The following GGA3 variants were observed in gnomAD, a reference collection of about 807,000 sequenced individuals.
GGA3 encodes the protein golgi associated, gamma adaptin ear containing, ARF binding protein 3.
Under a neutral mutation model 77.5 loss-of-function variants are expected in GGA3, and 57 were observed. That is an observed-to-expected ratio of 0.74 (90% confidence interval 0.59 to 0.92). GGA3 has a LOEUF of 0.92. Among genes scored for constraint, GGA3 ranks in the 40% least tolerant of loss-of-function variants. The pLI is 0.00. For missense variants in GGA3, 970 were observed against 914.9 expected, an observed-to-expected ratio of 1.06 and a Z score of -0.78; for synonymous variants, 416 against 383.7, an observed-to-expected ratio of 1.08 and a Z score of -0.98.
At position 75,238,016 on chromosome 17, in the gene GGA3, G is replaced by A; in HGVS notation, c.*263C>T. On this transcript the variant is annotated 3_prime_UTR_variant, in exon 17 of 17. Coordinates refer to ENST00000537686, the MANE Select transcript of GGA3 (RefSeq NM_138619.4). ...GGGGGTCCATGTTCCCGGGACAGCAGTGAAGTCAGGGGCCACTCCGCACCC... is the reference window on the plus strand; with the variant it reads ...GGGGGTCCATGTTCCCGGGACAGCAATGAAGTCAGGGGCCACTCCGCACCC... The A allele has an allele frequency of 7.9e-7, 1 of 1,265,766 alleles. No individual in the cohort carries two copies. The highest frequency in any genetic ancestry group is 1.0e-6 in the Non-Finnish European group (1 of 1,004,888). The allele number at this position is 1,265,766 out of a possible 1,614,324, so 78.4% of individuals were successfully genotyped here. A position where few individuals can be genotyped will look rare whatever the true frequency, so the allele number is the denominator to read the frequency against.
rs1402661140 is a variant in GGA3, at chr17:75,239,942, G to C, written c.1430C>G (p.Pro477Arg). The change falls in exon 13 of 17, where the codon CCC (proline) becomes CGC (arginine). Residue 477 changes from proline to arginine, a missense_variant. Pro to Arg is a moderately radical substitution (Grantham distance 103, BLOSUM62 -2). Coordinates refer to ENST00000537686, the MANE Select transcript of GGA3 (RefSeq NM_138619.4). ...AGAAAACAAGGAGGAGCCCGCACTG[G>C]GGGCAGGAACACTGGCTGGGACCAC... is the stretch of plus-strand genomic sequence containing the variant. ...APVVPASVPA[P>R]SAGSSLFSTG... 1 of 1,589,610 alleles carries C rather than the reference G, an allele frequency of 6.3e-7. No individual in the cohort carries two copies. Among genetic ancestry groups the C allele is most frequent in the Non-Finnish European group, 8.6e-7 (1 of 1,168,550 alleles).
rs1380815438 is a variant in GGA3, at chr17:75,242,387, C to G, written c.696G>C (p.Leu232=). 6 of 1,614,078 alleles carry G rather than the reference C, an allele frequency of 3.7e-6. No individual in the cohort carries two copies. Among genetic ancestry groups the G allele is most frequent in the Middle Eastern group, 1.6e-4 (1 of 6,084 alleles). ...AAGAGTCCTCCTGGCTGTAATGAAG[C>G]AGCATCTCACTGAGCAGTCTCACGT... ...NNNVRLLSEM[L]LHYSQEDSSD... is the part of the protein sequence containing the mutation. The change falls in exon 8 of 17, where the codon CTG becomes CTC. Residue 232 remains leucine (L), a synonymous_variant. Transcript: ENST00000537686.
intron 1 of GGA3, among the ~76,000 whole-genome samples, chr17:75,253,322 C>T (rs1045291872): frequency 1.3e-5 from 2 of 152,226 alleles, no homozygotes; most frequent in African/African-American, 4.8e-5. Context: ...CTGGTAGAGA[C>T]AAACGAGACA....
intron 11 of GGA3, 197 bp from the exon 12 acceptor site, chr17:75,240,609 G>C (rs2076514959): frequency 1.5e-6 from 1 of 679,230 alleles, no homozygotes; most frequent in East Asian, 2.7e-5. Context: ...TGTGGGGCGG[G>C]GTGCAGGGCA....
At chr17:75,248,415 G>A (rs1447372081) in intron 1 of GGA3, among the ~76,000 whole-genome samples, 1 of 130,334 alleles carries the variant, frequency 7.7e-6, no homozygotes, top group African/African-American at 2.8e-5. Context: ...AGTCTGCAGT[G>A]AGCTGAGATC....
intron 13 of GGA3, 30 bp from the exon 14 acceptor site, chr17:75,239,601 CAGAG>C (rs2076457192): frequency 6.5e-7 from 1 of 1,530,682 alleles, no homozygotes; most frequent in East Asian, 2.4e-5. Context: ...GAAAGCACGT[CAGAG>C]AGCCAGCCAG....
chr17:75,249,072 G>A (rs969509748), intron 1 of GGA3: 2 of 869,542 alleles, frequency 2.3e-6, no homozygotes, highest in African/African-American at 3.6e-5. Flanking sequence ...TTGAGATTGA[G>A]TCTCGCTGTG....
chr17:75,237,993 G>C lies in GGA3; in HGVS notation c.*286C>G. 1 of 1,228,976 alleles carries C rather than the reference G, an allele frequency of 8.1e-7. No homozygotes were observed. The highest frequency in any genetic ancestry group is 2.8e-5 in the South Asian group (1 of 36,264). The allele number at this position is 1,228,976 out of a possible 1,614,324, so 76.1% of individuals were successfully genotyped here. A position where few individuals can be genotyped will look rare whatever the true frequency, so the allele number is the denominator to read the frequency against. ...AAGCAAACACCTACGCCAAGCCTGG[G>C]GGTCCATGTTCCCGGGACAGCAGTG... On this transcript the variant is annotated 3_prime_UTR_variant, in exon 17 of 17. Coordinates refer to ENST00000537686, the MANE Select transcript of GGA3 (RefSeq NM_138619.4).
In GGA3 at chr17:75,240,777, CAG is replaced by C. The variant is rs773195591; in HGVS notation, c.1192+33_1192+34del. The C allele has an allele frequency of 6.3e-6, 10 of 1,577,984 alleles. No homozygotes were observed. In the East Asian group the frequency reaches 6.7e-5, roughly 11 times the overall value. On this transcript the variant is annotated intron_variant, in intron 11 of 16. Transcript: ENST00000537686. ...CACACCCTTCCTCCCAGAGCCCTGT[CAG>C]GGGATGCCCCTGACGCCCCCTGTGG...
At position 75,237,489 on chromosome 17, in the gene GGA3, C is replaced by T; in HGVS notation, c.*790G>A. The T allele has an allele frequency of 2.6e-6, 4 of 1,535,932 alleles. No individual in the cohort carries two copies. The highest frequency in any genetic ancestry group is 3.5e-6 in the Non-Finnish European group (4 of 1,146,766). On this transcript the variant is annotated 3_prime_UTR_variant, in exon 17 of 17. Transcript: ENST00000537686. Reference sequence around the variant, plus strand: ...GGTAGTCAGTAGGATGGCCTGTCCCCACGGCTGGAGGCACGCTTTTCCCAG... The same window carrying T: ...GGTAGTCAGTAGGATGGCCTGTCCCTACGGCTGGAGGCACGCTTTTCCCAG...
chr17:75,253,596 A>C (rs1450247483), intron 1 of GGA3, among the ~76,000 whole-genome samples: 2 of 151,810 alleles, frequency 1.3e-5, no homozygotes, highest in Non-Finnish European at 2.9e-5. Flanking sequence ...GTACCCCTCA[A>C]CCCCTTCTCC....
At chr17:75,242,055 G>C (rs1038686688) in intron 8 of GGA3, 1 of 555,886 alleles carries the variant, frequency 1.8e-6, no homozygotes, top group African/African-American at 1.9e-5. Flanking sequence ...AGGTAGTAAG[G>C]AAAGGGAGAG....
chr17:75,243,371 C>T, intron 5 of GGA3, 76 bp downstream of exon 5: 1 of 1,582,046 alleles, frequency 6.3e-7, no homozygotes, highest in Admixed American at 1.7e-5. Flanking sequence ...TCTGGGGATC[C>T]CAAACCTTCC....
intron 1 of GGA3, among the ~76,000 whole-genome samples, chr17:75,247,848 T>G (rs1490564623): frequency 1.3e-5 from 2 of 152,176 alleles, no homozygotes; most frequent in African/African-American, 4.8e-5. Context: ...TTCTGATATT[T>G]GGCATGGGCT....
chr17:75,246,341 A>G (rs1377993577), intron 3 of GGA3, among the ~76,000 whole-genome samples, 168 bp downstream of exon 3: 2 of 152,184 alleles, frequency 1.3e-5, no homozygotes, highest in Non-Finnish European at 2.9e-5. Context: ...CACAATGCAC[A>G]CAGATTTGTG....
intron 4 of GGA3, 199 bp downstream of exon 4, chr17:75,244,420 G>C (rs2306215): frequency 0.055 from 30,043 of 551,238 alleles, 4,124 homozygotes; most frequent in African/African-American, 0.36. Context: ...TTTGGGCTGA[G>C]GGCGCTTCAG....
At chr17:75,240,508 C>A in intron 11 of GGA3, 96 bp from the exon 12 acceptor site, 1 of 807,312 alleles carries the variant, frequency 1.2e-6, no homozygotes, top group Admixed American at 2.3e-5. Flanking sequence ...CAAGTGACAT[C>A]AATGGGTGAA....
rs772779653 is a variant in GGA3, at chr17:75,241,654, T to C, written c.790A>G (p.Lys264Glu). 1 of 1,614,124 alleles carries C rather than the reference T, an allele frequency of 6.2e-7. No homozygotes were observed. The highest frequency in any genetic ancestry group is 1.1e-5 in the South Asian group (1 of 91,084). ...TTGTCCTCAGTCTCACTGGCGAGTT[T>C]AAATAAAGTCCGCCTCTTGTTCTCA... The part of the protein sequence containing the change: ...QCENKRRTLF[K>E]LASETEDNDN... The change falls in exon 9 of 17, where the codon AAA becomes GAA. Residue 264 changes from lysine to glutamate, a missense_variant. Coordinates refer to ENST00000537686, the MANE Select transcript of GGA3 (RefSeq NM_138619.4).
upstream of GGA3, chr17:75,261,650 C>G (rs1001235983): frequency 1.2e-4 from 171 of 1,440,036 alleles, 6 homozygotes; most frequent in South Asian, 1.9e-3. Flanking sequence ...TGAGACGGGG[C>G]GGGGCCTGCA....
Sources: allele counts gnomAD v4.1 joint callset (sites outside exome capture counted in the v4.1 genomes callset), GRCh38; gene constraint gnomAD v4.1.1; transcripts MANE v1.5; gene names NCBI Gene and HGNC (gene_info 2026-07-23, HGNC 2026-07-21).